Variants in CNOT6 observed in about 807,000 individuals in gnomAD.
The protein encoded by CNOT6 is carbon catabolite repression 4 protein.
CNOT6 carries 12 observed loss-of-function variants against 61.2 expected under a neutral mutation model. The observed-to-expected ratio is 0.20, with a 90% confidence interval of 0.13 to 0.32. The LOEUF is 0.32. CNOT6 is among the 10% of genes least tolerant of loss of function. The pLI is 1.00. For synonymous variants in CNOT6, 225 were observed against 240.6 expected (o/e 0.94, Z 0.60); for missense variants, 405 against 663.9 (o/e 0.61, Z 4.28).
chr5:180,528,777 C>T (rs1236035915), intron 1 of CNOT6, among the ~76,000 whole-genome samples: 1 of 152,152 alleles, frequency 6.6e-6, no homozygotes, highest in Non-Finnish European at 1.5e-5. Flanking sequence ...TTCTGTGTCC[C>T]CCACAGCTGC....
intron 2 of CNOT6, among the ~76,000 whole-genome samples, chr5:180,549,366 T>C (rs1181789573): frequency 3.3e-5 from 5 of 152,144 alleles, no homozygotes; most frequent in Admixed American, 2.6e-4. Context: ...AAGGATAAAT[T>C]TGGCCGGGCA....
At chr5:180,535,426 G>C (rs1340744497) in intron 2 of CNOT6, among the ~76,000 whole-genome samples, 1 of 152,186 alleles carries the variant, frequency 6.6e-6, no homozygotes, top group Non-Finnish European at 1.5e-5. Context: ...GACTGTTTCT[G>C]AGTTGTTTTG....
At chr5:180,573,604 C>CGTGTGT (rs1561669597) in intron 11 of CNOT6, among the ~76,000 whole-genome samples, 258 of 14,474 alleles carry the variant, frequency 0.018, 1 homozygote, top group Admixed American at 0.028. Flanking sequence ...TGTGTGTGTC[C>CGTGTGT]GTCCGTCCGT....
chr5:180,501,237 C>G (rs1438031568), intron 1 of CNOT6, among the ~76,000 whole-genome samples: 1 of 152,022 alleles, frequency 6.6e-6, no homozygotes, highest in Non-Finnish European at 1.5e-5. Context: ...TGTGAGAGCT[C>G]AAGTACATCA....
intron 1 of CNOT6, among the ~76,000 whole-genome samples, chr5:180,507,797 G>A (rs1757195357): frequency 8.1e-6 from 1 of 124,064 alleles, no homozygotes; most frequent in South Asian, 2.6e-4. Flanking sequence ...GGAGGCCTCA[G>A]GAAACTTAAA....
chr5:180,516,612 C>T (rs977093285), intron 1 of CNOT6, among the ~76,000 whole-genome samples: 2 of 152,310 alleles, frequency 1.3e-5, no homozygotes, highest in African/African-American at 2.4e-5. Context: ...TAACAAAAAA[C>T]CACATTTTTA....
intron 1 of CNOT6, among the ~76,000 whole-genome samples, chr5:180,505,209 C>CTCTGCCT (rs1417691152): frequency 6.7e-6 from 1 of 148,980 alleles, no homozygotes; most frequent in African/African-American, 2.5e-5. Flanking sequence ...ATCCACCCAC[C>CTCTGCCT]TCTGCCTCCT....
intron 9 of CNOT6, 87 bp downstream of exon 9, chr5:180,568,090 C>A: frequency 7.3e-7 from 1 of 1,374,660 alleles, no homozygotes; most frequent in East Asian, 2.4e-5. Flanking sequence ...ATTGTGTATT[C>A]ATGGTCTTGT....
chr5:180,498,078 C>T (rs1756696651), intron 1 of CNOT6, among the ~76,000 whole-genome samples: 1 of 151,000 alleles, frequency 6.6e-6, no homozygotes. Flanking sequence ...AAACTGTAAA[C>T]ATATACTGTA....
chr5:180,533,069 A>G (rs1399475886), intron 2 of CNOT6, among the ~76,000 whole-genome samples: 1 of 152,108 alleles, frequency 6.6e-6, no homozygotes, highest in Non-Finnish European at 1.5e-5. Flanking sequence ...TGTGATTATT[A>G]GACAAGCAAG....
At chr5:180,509,378 C>G in intron 1 of CNOT6, among the ~76,000 whole-genome samples, 1 of 152,084 alleles carries the variant, frequency 6.6e-6, no homozygotes. Context: ...ATCTGCCAGC[C>G]TTGGCTTCCC....
intron 1 of CNOT6, among the ~76,000 whole-genome samples, chr5:180,525,921 TA>T (rs35506233): frequency 2.6e-5 from 4 of 151,494 alleles, no homozygotes; most frequent in South Asian, 2.1e-4. Flanking sequence ...TTTCTTCTTT[TA>T]AAAAAAAATT....
At chr5:180,552,623 GCAA>G (rs1759677453) in intron 3 of CNOT6, among the ~76,000 whole-genome samples, 1 of 148,866 alleles carries the variant, frequency 6.7e-6, no homozygotes, top group Non-Finnish European at 1.5e-5. Context: ...TCCAGCCTGG[GCAA>G]TGGAGCGAGA....
At chr5:180,512,461 A>G (rs1272304814) in intron 1 of CNOT6, among the ~76,000 whole-genome samples, 1 of 152,232 alleles carries the variant, frequency 6.6e-6, no homozygotes, top group Middle Eastern at 3.2e-3. Context: ...TGAATTCTCA[A>G]CTGCGGAGTT....
intron 4 of CNOT6, among the ~76,000 whole-genome samples, chr5:180,555,050 C>T (rs988689087): frequency 2.6e-5 from 4 of 151,280 alleles, no homozygotes; most frequent in African/African-American, 9.7e-5. Context: ...GTCGCCCAGG[C>T]TAGAGTGCAG....
chr5:180,563,706 G>A (rs1201408465), intron 4 of CNOT6, among the ~76,000 whole-genome samples: 2 of 152,122 alleles, frequency 1.3e-5, no homozygotes, highest in Non-Finnish European at 2.9e-5. Flanking sequence ...TCTTAAAATG[G>A]CGCTGTGGCA....
At chr5:180,513,639 TG>T (rs1757499690) in intron 1 of CNOT6, among the ~76,000 whole-genome samples, 1 of 152,076 alleles carries the variant, frequency 6.6e-6, no homozygotes, top group African/African-American at 2.4e-5. Flanking sequence ...CCCAAAGTGC[TG>T]GGATTACAGG....
At position 180,575,699 on chromosome 5, in the gene CNOT6, A is replaced by G. The variant is rs762498243; in HGVS notation, c.*1499A>G. 2.0e-5 allele frequency: 3 copies of G among 152,570 alleles called. No homozygotes were observed. The highest frequency in any genetic ancestry group is 4.4e-5 in the Non-Finnish European group (3 of 68,022). 9.5% of individuals were successfully genotyped at this position (152,570 alleles called of 1,614,324 possible). On this transcript the variant is annotated 3_prime_UTR_variant, in exon 12 of 12. Coordinates refer to ENST00000261951, the MANE Select transcript of CNOT6 (RefSeq NM_001370472.1). The stretch of plus-strand genomic sequence containing the variant: ...CTTTAACTTTGCAAAGTGAACATGT[A>G]CATGGTCTGCTCTCATTTATTCATT...
At chr5:180,556,325 A>G (rs752635752) in intron 4 of CNOT6, among the ~76,000 whole-genome samples, 1 of 152,212 alleles carries the variant, frequency 6.6e-6, no homozygotes, top group Admixed American at 6.6e-5. Context: ...TCATTTACAC[A>G]GGGGGAATAG....
Sources: allele counts gnomAD v4.1 joint callset (sites outside exome capture counted in the v4.1 genomes callset), GRCh38; gene constraint gnomAD v4.1.1; transcripts MANE v1.5; gene names NCBI Gene and HGNC (gene_info 2026-07-23, HGNC 2026-07-21).